The following SNX7 variants were observed in gnomAD, a reference collection of about 807,000 sequenced individuals.
The protein encoded by SNX7 is sorting nexin 7.
SNX7 carries 35 observed loss-of-function variants against 48.4 expected under a neutral mutation model. The observed-to-expected ratio is 0.72, with a 90% CI of 0.55 to 0.96. SNX7 has a LOEUF of 0.96. Among genes scored for constraint, SNX7 ranks in the 40% least tolerant of loss-of-function variants. The probability of loss-of-function intolerance (pLI) is 0.00; values close to 1 mark genes in which losing one functional copy is unlikely to be tolerated. For missense variants in SNX7, 553 were observed against 548.9 expected (o/e 1.01, Z -0.07); for synonymous variants, 190 against 190.2 (o/e 1.00, Z 0.01).
chr1:98,728,391 A>G (rs959358050), intron 7 of SNX7, among the ~76,000 whole-genome samples: 9 of 151,906 alleles, frequency 5.9e-5, no homozygotes, highest in African/African-American at 1.2e-4. Flanking sequence ...AGGAAGCACT[A>G]AAGTCTATAA....
Position 98,695,499 on chromosome 1 carries a change from C to G in SNX7, c.640-19C>G. On this transcript the variant is annotated intron_variant, in intron 4 of 8. Transcript: ENST00000306121. ...ATTGAGACTTGTTTCACTAGAAATA[C>G]TTGGTTTTTTGTTTCTAGGAACTCT... 6.2e-7 allele frequency: 1 copy of G among 1,607,400 alleles called. No individual in the cohort carries two copies. The highest frequency in any genetic ancestry group is 8.5e-7 in the Non-Finnish European group (1 of 1,177,038).
chr1:98,752,415 T>G (rs1654632591), intron 8 of SNX7, among the ~76,000 whole-genome samples: 1 of 151,956 alleles, frequency 6.6e-6, no homozygotes, highest in South Asian at 2.1e-4. Context: ...TTTATTTAAT[T>G]AAAAATCGGC....
intron 7 of SNX7, among the ~76,000 whole-genome samples, chr1:98,716,746 T>G (rs538404153): frequency 6.6e-6 from 1 of 152,152 alleles, no homozygotes; most frequent in African/African-American, 2.4e-5. Context: ...GGGTCTGAAG[T>G]CCATGGAGAT....
rs1367528857 is a variant in SNX7 at position 98,691,207 on chromosome 1, T to C, written c.474+22T>C. Reference sequence around the variant, plus strand: ...TCCAGTAAGTTTGCAAAATTTTTTTTTTCATAGAATAGCTACCAGTTTTCT... The same window carrying C: ...TCCAGTAAGTTTGCAAAATTTTTTTCTTCATAGAATAGCTACCAGTTTTCT... On this transcript the variant is annotated intron_variant, in intron 3 of 8. Transcript: ENST00000306121. 10 of 1,499,166 alleles carry C rather than the reference T, an allele frequency of 6.7e-6. No homozygotes were observed. The East Asian group carries it at 2.1e-4, about 32-fold the overall frequency. 92.9% of individuals were successfully genotyped at this position (1,499,166 alleles called of 1,614,324 possible). A position where few individuals can be genotyped will look rare whatever the true frequency, so the allele number is the denominator to read the frequency against.
Position 98,680,855 on chromosome 1 carries a change from C to G in SNX7, c.181-4030C>G, listed in dbSNP as rs1376440152. ...GAACAAGTCTCTAGGAAGTTCCAAA[C>G]TTTCCCACATTTTCCTGTCTTCATC... On this transcript the variant is annotated intron_variant, in intron 1 of 8. Transcript: ENST00000306121. 2.0e-5 allele frequency among the ~76,000 whole-genome samples: 3 copies of G among 152,324 alleles called. No individual in the cohort carries two copies. The East Asian group carries it at 5.8e-4, about 29-fold the overall frequency.
At chr1:98,680,860 C>T (rs929817729) in intron 1 of SNX7, among the ~76,000 whole-genome samples, 15 of 152,294 alleles carry the variant, frequency 9.8e-5, no homozygotes, top group African/African-American at 3.6e-4. Context: ...CCAAACTTTC[C>T]CACATTTTCC....
intron 8 of SNX7, among the ~76,000 whole-genome samples, chr1:98,757,427 T>G (rs1188405161): frequency 6.6e-6 from 1 of 151,936 alleles, no homozygotes; most frequent in Admixed American, 6.6e-5. Flanking sequence ...CTCAGATGAT[T>G]TTTCCTCCTT....
chr1:98,750,915 G>A (rs932807086), intron 8 of SNX7, among the ~76,000 whole-genome samples: 1 of 152,094 alleles, frequency 6.6e-6, no homozygotes, highest in Non-Finnish European at 1.5e-5. Context: ...GCAAAGCAGA[G>A]CGAGGCATAT....
At chr1:98,702,485 CCT>C (rs1651803297) in intron 7 of SNX7, among the ~76,000 whole-genome samples, 1 of 151,992 alleles carries the variant, frequency 6.6e-6, no homozygotes. Context: ...TATTGTCTCT[CCT>C]CATTTTTAAA....
intron 1 of SNX7, 53 bp from the exon 2 acceptor site, chr1:98,684,832 A>G (rs1650696903): frequency 1.6e-6 from 2 of 1,260,394 alleles, no homozygotes; most frequent in Non-Finnish European, 2.1e-6. Flanking sequence ...ATCTAGAAAT[A>G]GAAGAGTTTA....
chr1:98,736,347 G>T (rs529924334), intron 7 of SNX7, among the ~76,000 whole-genome samples: 1 of 152,276 alleles, frequency 6.6e-6, no homozygotes, highest in East Asian at 1.9e-4. Context: ...CAAATGGCAG[G>T]ATTCCATCCA....
chr1:98,690,273 A>G (rs1162948958), intron 2 of SNX7, among the ~76,000 whole-genome samples: 3 of 152,058 alleles, frequency 2.0e-5, no homozygotes, highest in East Asian at 3.9e-4. Context: ...CTGTTTTCCT[A>G]TGAGAGGTGA....
At chr1:98,668,148 T>C (rs1424858161) in intron 1 of SNX7, among the ~76,000 whole-genome samples, 1 of 152,138 alleles carries the variant, frequency 6.6e-6, no homozygotes, top group African/African-American at 2.4e-5. Flanking sequence ...TGATCAACAA[T>C]AAAACCAAAA....
At chr1:98,675,303 T>C (rs1452212915) in intron 1 of SNX7, among the ~76,000 whole-genome samples, 2 of 152,184 alleles carry the variant, frequency 1.3e-5, no homozygotes, top group Non-Finnish European at 2.9e-5. Context: ...TTTATTGAAG[T>C]GAATATAAAA....
chr1:98,757,164 G>T (rs999913629), intron 8 of SNX7, among the ~76,000 whole-genome samples: 3 of 152,100 alleles, frequency 2.0e-5, no homozygotes, highest in Non-Finnish European at 4.4e-5. Flanking sequence ...TTCCTATACA[G>T]CCTGCAGAAC....
chr1:98,683,370 C>T (rs1019789838), intron 1 of SNX7, among the ~76,000 whole-genome samples: 1 of 152,098 alleles, frequency 6.6e-6, no homozygotes, highest in African/African-American at 2.4e-5. Flanking sequence ...TCTCCAAGAT[C>T]AGCTAAGAGA....
At chr1:98,681,995 T>C (rs1449409976) in intron 1 of SNX7, among the ~76,000 whole-genome samples, 2 of 152,182 alleles carry the variant, frequency 1.3e-5, no homozygotes, top group African/African-American at 4.8e-5. Context: ...TCCTTAACTT[T>C]CTTACACCAA....
In SNX7 at chr1:98,685,116, C is replaced by G. The variant is rs1309508661; in HGVS notation, c.363+49C>G. ...TTGAATATAGCTGCTTTTTTTTAAG[C>G]TTTGGAAGTAAGTACCTCTTGTTCA... On this transcript the variant is annotated intron_variant, in intron 2 of 8. Coordinates refer to ENST00000306121, the MANE Select transcript of SNX7 (RefSeq NM_015976.5). The G allele has an allele frequency of 4.5e-5, 53 of 1,169,350 alleles. 1 individual carries two copies. In the Admixed American group the frequency reaches 1.5e-3, roughly 33 times the overall value. 72.4% of individuals were successfully genotyped at this position (1,169,350 alleles called of 1,614,324 possible). A position where few individuals can be genotyped will look rare whatever the true frequency, so the allele number is the denominator to read the frequency against.
chr1:98,700,678 G>T (rs1400334947), intron 6 of SNX7, among the ~76,000 whole-genome samples: 3 of 152,016 alleles, frequency 2.0e-5, no homozygotes, highest in Non-Finnish European at 4.4e-5. Flanking sequence ...CCAAAGTGCT[G>T]AGATGTGATA....
Sources: allele counts gnomAD v4.1 joint callset (sites outside exome capture counted in the v4.1 genomes callset), GRCh38; gene constraint gnomAD v4.1.1; transcripts MANE v1.5; gene names NCBI Gene and HGNC (gene_info 2026-07-23, HGNC 2026-07-21).